SNORC: variants seen among roughly 807,000 people sequenced by gnomAD.
The protein encoded by SNORC is secondary ossification center associated regulator of chondrocyte maturation, also known as protein SNORC.
A neutral mutation model predicts 9.7 loss-of-function variants in SNORC; 11 were observed. The observed-to-expected ratio is 1.14, with a 90% confidence interval of 0.72 to 1.88. SNORC has a LOEUF of 1.88. Ranked by LOEUF, SNORC falls within the 40% of genes most tolerant of loss-of-function variation. The pLI is 0.00. For synonymous variants in SNORC, 108 were observed against 88.7 expected, an observed-to-expected ratio of 1.22 and a Z score of -1.22; for missense variants, 197 against 173.1, an observed-to-expected ratio of 1.14 and a Z score of -0.77.
chr2:232,877,223 G>A (rs1433828140), downstream of SNORC: 8 of 985,342 alleles, frequency 8.1e-6, no homozygotes, highest in Non-Finnish European at 8.4e-6. Flanking sequence ...CAGCCCCCAC[G>A]CCCACGGTTG....
downstream of SNORC, chr2:232,877,283 C>T (rs1574976665): frequency 1.0e-6 from 1 of 985,482 alleles, no homozygotes; most frequent in Non-Finnish European, 1.2e-6. Context: ...CACCTCACTT[C>T]ACCCTCAGAG....
At chr2:232,870,296 A>C (rs757383182) in exon 1 of SNORC, 2 of 1,522,610 alleles carry the variant, frequency 1.3e-6, no homozygotes, top group South Asian at 2.4e-5. Context: ...TAACCAGCGC[A>C]GTCCTCCGTG....
upstream of SNORC, among the ~76,000 whole-genome samples, chr2:232,866,541 A>G (rs943287273): frequency 6.6e-6 from 1 of 152,162 alleles, no homozygotes; most frequent in African/African-American, 2.4e-5. Context: ...ATAGGTTTTG[A>G]GAAAATTTTT....
At chr2:232,876,783 T>C (rs1033355208), downstream of SNORC, 10 of 985,224 alleles carry the variant, frequency 1.0e-5, no homozygotes, top group Non-Finnish European at 1.2e-5. This position sits in a 1 kb window ranked among gnomAD's most constrained non-coding sequence, Gnocchi z 6.8. Flanking sequence ...GGGGGCACCG[T>C]CACGGTCAGG....
intron 1 of SNORC, chr2:232,875,637 T>C (rs1381474873): frequency 1.9e-6 from 1 of 514,756 alleles, no homozygotes; most frequent in African/African-American, 2.0e-5. Context: ...CTTTCTGCTC[T>C]CTGGTCCCTG....
intron 1 of SNORC, among the ~76,000 whole-genome samples, chr2:232,873,566 C>T (rs535769197): frequency 5.3e-5 from 8 of 152,316 alleles, no homozygotes; most frequent in Non-Finnish European, 8.8e-5. Flanking sequence ...AGCCCTGCCG[C>T]GGCCTCCAGA....
chr2:232,869,834 C>T (rs565662341), upstream of SNORC: 138 of 190,072 alleles, frequency 7.3e-4, 1 homozygote, highest in African/African-American at 3.2e-3. Flanking sequence ...GAGCAGAGTC[C>T]GTCCTGCACT....
downstream of SNORC, chr2:232,877,119 AG>A: frequency 3.0e-6 from 3 of 985,830 alleles, no homozygotes; most frequent in Non-Finnish European, 3.6e-6. Flanking sequence ...CCCTCTGCCC[AG>A]GGAGCCTCAG....
rs574803415 is a variant in SNORC, at chr2:232,870,614, A to G, written c.73+200A>G. ...GGGATGGACGTCTCAGGAAATTGTT[A>G]GCAGGAGGGATAATGGCCTCTGGAG... is the stretch of plus-strand genomic sequence containing the variant. On this transcript the variant is annotated intron_variant, in intron 1 of 2. Coordinates refer to ENST00000331342, the Ensembl canonical transcript of SNORC. Among the ~76,000 whole-genome samples, 3 of 152,286 alleles carry G rather than the reference A, an allele frequency of 2.0e-5. No individual in the cohort carries two copies. The East Asian group carries it at 5.8e-4, about 29-fold the overall frequency.
At chr2:232,871,833 G>A (rs1366723673) in intron 1 of SNORC, among the ~76,000 whole-genome samples, 1 of 152,158 alleles carries the variant, frequency 6.6e-6, no homozygotes, top group African/African-American at 2.4e-5. Context: ...CTGCCTGCTG[G>A]GCCTGGGCTG....
chr2:232,869,526 G>T (rs1437695900), upstream of SNORC: 2 of 152,322 alleles, frequency 1.3e-5, no homozygotes, highest in Admixed American at 1.3e-4. Context: ...CTGAGTGAGG[G>T]AAGGGGCAGT....
At chr2:232,869,452 A>T (rs910634173), upstream of SNORC, among the ~76,000 whole-genome samples, 1 of 152,090 alleles carries the variant, frequency 6.6e-6, no homozygotes, top group African/African-American at 2.4e-5. Context: ...AGGGAAAGAG[A>T]CACCTTTGAT....
At chr2:232,877,285 C>T, downstream of SNORC, 2 of 985,474 alleles carry the variant, frequency 2.0e-6, no homozygotes, top group Non-Finnish European at 2.4e-6. Flanking sequence ...CCTCACTTCA[C>T]CCTCAGAGAG....
downstream of SNORC, chr2:232,876,553 T>G: frequency 2.1e-5 from 24 of 1,168,762 alleles, no homozygotes; most frequent in East Asian, 1.2e-4. The surrounding 1 kb of genome is among the most constrained non-coding windows in gnomAD (Gnocchi z 6.8). Context: ...CGCGCCCGAA[T>G]TCCCCGCAGG....
intron 1 of SNORC, among the ~76,000 whole-genome samples, chr2:232,875,061 C>T (rs947829471): frequency 1.5e-4 from 23 of 152,316 alleles, no homozygotes; most frequent in South Asian, 4.1e-4. Context: ...AGCATGGGGC[C>T]GGCCGCAGTG....
At chr2:232,869,330 C>A (rs1193208197), upstream of SNORC, among the ~76,000 whole-genome samples, 1 of 152,002 alleles carries the variant, frequency 6.6e-6, no homozygotes, top group African/African-American at 2.4e-5. Flanking sequence ...ACATAGAGCT[C>A]GTGGGTGGGA....
At chr2:232,870,722 GAA>G (rs1690995769) in intron 1 of SNORC, among the ~76,000 whole-genome samples, 1 of 152,230 alleles carries the variant, frequency 6.6e-6, no homozygotes, top group Non-Finnish European at 1.5e-5. Flanking sequence ...TTTAAAATCT[GAA>G]GTCTCCCAGG....
intron 1 of SNORC, chr2:232,875,369 T>C: frequency 4.2e-6 from 1 of 235,374 alleles, no homozygotes; most frequent in South Asian, 4.6e-5. Flanking sequence ...GATTAGGACA[T>C]GGGCAGGCCT....
intron 1 of SNORC, among the ~76,000 whole-genome samples, chr2:232,871,663 C>T (rs1691030444): frequency 6.6e-6 from 1 of 152,196 alleles, no homozygotes; most frequent in Non-Finnish European, 1.5e-5. Context: ...CCTAGGCGAG[C>T]CATGCGGTGT....
Sources: allele counts gnomAD v4.1 joint callset (sites outside exome capture counted in the v4.1 genomes callset), GRCh38; gene constraint gnomAD v4.1.1; non-coding constraint Gnocchi (gnomAD v3.1); transcripts MANE v1.5; gene names NCBI Gene and HGNC (gene_info 2026-07-23, HGNC 2026-07-21).